CHODL: variants seen among roughly 807,000 people sequenced by gnomAD.
The protein encoded by CHODL is transmembrane protein MT75.
In CHODL, 29 loss-of-function variants were observed where a neutral mutation model predicts 34.5. The ratio of observed to expected loss-of-function variants is 0.84; its 90% CI spans 0.63 to 1.15. The LOEUF (loss-of-function observed/expected upper bound fraction) is 1.15, where lower values mean the gene tolerates loss of function less well. Ranked by LOEUF, CHODL falls within the 50% of genes most tolerant of loss-of-function variation. CHODL has a pLI of 0.00. For synonymous variants in CHODL, 125 were observed against 116.1 expected (o/e 1.08, Z -0.49); for missense variants, 332 against 332.5 (o/e 1.00, Z 0.01).
At chr21:18,153,357 A>C (rs1034146047) in intron 2 of CHODL, among the ~76,000 whole-genome samples, 1 of 152,090 alleles carries the variant, frequency 6.6e-6, no homozygotes, top group Non-Finnish European at 1.5e-5. Context: ...CTGAGGGTTT[A>C]TTTTTAGATC....
intron 2 of CHODL, among the ~76,000 whole-genome samples, chr21:18,120,674 C>A (rs772591788): frequency 6.6e-6 from 1 of 152,074 alleles, no homozygotes; most frequent in Admixed American, 6.6e-5. Context: ...TACATATACA[C>A]ATATTTAAAT....
chr21:18,140,324 A>G (rs2072785961), intron 2 of CHODL, among the ~76,000 whole-genome samples: 1 of 152,216 alleles, frequency 6.6e-6, no homozygotes, highest in Admixed American at 6.5e-5. Flanking sequence ...GTATAACATT[A>G]TACAGAGAGG....
At chr21:18,246,346 G>A (rs1375251926) in intron 1 of CHODL, among the ~76,000 whole-genome samples, 2 of 152,112 alleles carry the variant, frequency 1.3e-5, no homozygotes, top group African/African-American at 4.8e-5. Context: ...TATACAACAG[G>A]TGTCACTAGA....
In CHODL at chr21:18,215,335, T is replaced by A. The variant is rs551012548; in HGVS notation, c.-44-41174T>A. Among the ~76,000 whole-genome samples, 105 of 152,288 alleles carry A rather than the reference T, an allele frequency of 6.9e-4. 1 individual carries two copies. Among genetic ancestry groups the A allele is most frequent in the African/African-American group, 2.5e-3 (103 of 41,582 alleles). ...TCCACCTCAGGAGATAGGCAATTGA[T>A]CTTCTCCAGCATGAAAGCAGGAGCA... On this transcript the variant is annotated intron_variant, in intron 2 of 6. Coordinates refer to the CHODL transcript ENST00000400127.
chr21:18,141,341 A>T (rs896452027), intron 2 of CHODL, among the ~76,000 whole-genome samples: 6 of 152,052 alleles, frequency 3.9e-5, no homozygotes, highest in African/African-American at 1.5e-4. Flanking sequence ...GAGTAAAATT[A>T]GGAAGACCAT....
intron 2 of CHODL, among the ~76,000 whole-genome samples, chr21:18,192,868 A>G (rs1387296450): frequency 6.6e-6 from 1 of 151,940 alleles, no homozygotes; most frequent in African/African-American, 2.4e-5. Flanking sequence ...TTTAAAATTT[A>G]TGAAAAGAAA....
intron 2 of CHODL, among the ~76,000 whole-genome samples, chr21:18,114,410 T>C (rs1020698315): frequency 1.5e-4 from 23 of 152,290 alleles, no homozygotes; most frequent in Middle Eastern, 3.4e-3. Flanking sequence ...AAAATATATA[T>C]ACTATGTACC....
intron 1 of CHODL, among the ~76,000 whole-genome samples, chr21:17,946,288 G>C (rs985917905): frequency 5.9e-5 from 9 of 152,158 alleles, no homozygotes; most frequent in African/African-American, 2.2e-4. Flanking sequence ...GTGTGGTGGC[G>C]GGTGCCTGTG....
At chr21:18,121,503 T>C (rs76080329) in intron 2 of CHODL, among the ~76,000 whole-genome samples, 58 of 152,034 alleles carry the variant, frequency 3.8e-4, no homozygotes, top group African/African-American at 1.4e-3. Context: ...AAACTTAACA[T>C]GGCCCAAACG....
intron 2 of CHODL, among the ~76,000 whole-genome samples, chr21:18,113,101 G>C (rs1250522076): frequency 3.9e-5 from 6 of 152,038 alleles, no homozygotes; most frequent in Non-Finnish European, 7.4e-5. Flanking sequence ...TCAACCAATG[G>C]GCAAAAAATT....
intron 2 of CHODL, among the ~76,000 whole-genome samples, chr21:18,219,714 T>G (rs1211224555): frequency 6.6e-6 from 1 of 152,148 alleles, no homozygotes; most frequent in African/African-American, 2.4e-5. Flanking sequence ...TGTTGGCCAT[T>G]TGTATGTCTT....
chr21:18,056,372 T>G (rs1173806577), intron 2 of CHODL, among the ~76,000 whole-genome samples: 1 of 151,628 alleles, frequency 6.6e-6, no homozygotes, highest in Non-Finnish European at 1.5e-5. Flanking sequence ...AAATAAAGAA[T>G]TATTTATCTT....
intron 2 of CHODL, among the ~76,000 whole-genome samples, chr21:18,155,027 A>G (rs1296063133): frequency 2.0e-5 from 3 of 152,230 alleles, no homozygotes; most frequent in Non-Finnish European, 4.4e-5. Context: ...AATTAATGCC[A>G]CAGGGAATTA....
At chr21:18,041,257 G>A (rs2064372419) in intron 2 of CHODL, among the ~76,000 whole-genome samples, 1 of 151,894 alleles carries the variant, frequency 6.6e-6, no homozygotes, top group Non-Finnish European at 1.5e-5. Flanking sequence ...GAGAAAGAGA[G>A]ATAGTGTTGG....
chr21:18,174,161 A>ATATATATATCTTGGT (rs2073276201), intron 2 of CHODL, among the ~76,000 whole-genome samples: 1 of 85,666 alleles, frequency 1.2e-5, no homozygotes, highest in Non-Finnish European at 3.1e-5. Context: ...ATATATATAT[A>ATATATATATCTTGGT]AAATCAAGTC....
intron 2 of CHODL, 55 bp from the exon 3 acceptor site, chr21:18,256,915 G>A (rs2074323828): frequency 6.3e-7 from 1 of 1,588,164 alleles, no homozygotes; most frequent in South Asian, 1.2e-5. Flanking sequence ...AGTAGGACAG[G>A]CAGAATCATT....
chr21:18,011,516 T>A (rs1330734721), intron 1 of CHODL, among the ~76,000 whole-genome samples: 1 of 152,214 alleles, frequency 6.6e-6, no homozygotes, highest in Admixed American at 6.5e-5. Flanking sequence ...TTATTTTCTC[T>A]TATTGAAAAT....
chr21:18,265,411 G>T (rs890364447), intron 5 of CHODL, among the ~76,000 whole-genome samples: 1 of 151,856 alleles, frequency 6.6e-6, no homozygotes, highest in Non-Finnish European at 1.5e-5. Flanking sequence ...TCTAAGTGAA[G>T]TAATACAGGA....
At chr21:17,975,515 AT>A (rs1857438093) in intron 1 of CHODL, among the ~76,000 whole-genome samples, 1 of 151,986 alleles carries the variant, frequency 6.6e-6, no homozygotes, top group Non-Finnish European at 1.5e-5. Flanking sequence ...ATTCCTGCCT[AT>A]TTTTCTACAT....
Sources: gnomAD v4.1 joint callset for allele counts (sites outside exome capture counted in the v4.1 genomes callset) on GRCh38, gnomAD v4.1.1 for gene constraint, MANE v1.5 for transcripts, NCBI Gene and HGNC (gene_info 2026-07-23, HGNC 2026-07-21) for gene names.